Variants in SSBP2 observed in about 807,000 individuals in gnomAD.
SSBP2 encodes the protein single-stranded DNA-binding protein 2.
A neutral mutation model predicts 61.8 loss-of-function variants in SSBP2; 17 were observed. The ratio of observed to expected loss-of-function variants is 0.28; its 90% CI spans 0.19 to 0.41. The LOEUF (loss-of-function observed/expected upper bound fraction) is 0.41, where lower values mean the gene tolerates loss of function less well. Among genes scored for constraint, SSBP2 ranks in the 10% least tolerant of loss-of-function variants. SSBP2 has a pLI of 1.00. For missense variants in SSBP2, 310 were observed against 458.7 expected (o/e 0.68, Z 2.96); for synonymous variants, 139 against 141.3 (o/e 0.98, Z 0.12).
intron 1 of SSBP2, among the ~76,000 whole-genome samples, chr5:81,734,243 C>CA (rs1296916617): frequency 6.6e-6 from 1 of 151,936 alleles, no homozygotes; most frequent in Non-Finnish European, 1.5e-5. Context: ...TACATACTAA[C>CA]AAAAAAACCT....
At chr5:81,737,636 A>C (rs1054194371) in intron 1 of SSBP2, among the ~76,000 whole-genome samples, 1 of 151,896 alleles carries the variant, frequency 6.6e-6, no homozygotes, top group Non-Finnish European at 1.5e-5. Context: ...CAAAAAAAAA[A>C]AATTAGCCGG....
At chr5:81,635,547 T>C (rs1430631523) in intron 3 of SSBP2, among the ~76,000 whole-genome samples, 2 of 152,014 alleles carry the variant, frequency 1.3e-5, no homozygotes, top group East Asian at 1.9e-4. Context: ...AAGTCTAACA[T>C]TGACAACTTG....
intron 6 of SSBP2, among the ~76,000 whole-genome samples, chr5:81,488,175 T>C (rs1231286075): frequency 2.0e-5 from 3 of 150,718 alleles, no homozygotes; most frequent in African/African-American, 7.3e-5. Context: ...AATGCTGTAA[T>C]GAACATGGGA....
At chr5:81,529,146 T>C (rs1242895298) in intron 4 of SSBP2, among the ~76,000 whole-genome samples, 1 of 152,122 alleles carries the variant, frequency 6.6e-6, no homozygotes, top group East Asian at 1.9e-4. Flanking sequence ...GAAATTATTA[T>C]TTAACACTGT....
chr5:81,592,696 T>C (rs905343189), intron 4 of SSBP2, among the ~76,000 whole-genome samples: 3 of 152,190 alleles, frequency 2.0e-5, no homozygotes, highest in Admixed American at 6.5e-5. Context: ...TATACGCTGT[T>C]CTGCAGCCAC....
At chr5:81,744,611 G>GAA (rs562652038) in intron 1 of SSBP2, among the ~76,000 whole-genome samples, 15 of 145,032 alleles carry the variant, frequency 1.0e-4, no homozygotes, top group South Asian at 4.3e-4. Flanking sequence ...TTTAAAACTA[G>GAA]AAAAAAAAAA....
intron 4 of SSBP2, among the ~76,000 whole-genome samples, chr5:81,544,159 C>T (rs936942284): frequency 1.3e-5 from 2 of 152,146 alleles, no homozygotes; most frequent in African/African-American, 4.8e-5. Context: ...ACGACATTCT[C>T]CTGCCTCAGC....
chr5:81,435,463 C>T (rs1454757385), intron 15 of SSBP2, among the ~76,000 whole-genome samples: 1 of 152,128 alleles, frequency 6.6e-6, no homozygotes, highest in Non-Finnish European at 1.5e-5. Flanking sequence ...ACTGGATGGT[C>T]AGTTACTGCT....
intron 4 of SSBP2, among the ~76,000 whole-genome samples, chr5:81,527,822 G>A (rs1770069092): frequency 1.3e-5 from 2 of 150,690 alleles, no homozygotes; most frequent in East Asian, 2.0e-4. Context: ...GTTGGTAAGT[G>A]CAGCAAACCA....
At chr5:81,634,838 T>C (rs1748053459) in intron 3 of SSBP2, among the ~76,000 whole-genome samples, 1 of 152,242 alleles carries the variant, frequency 6.6e-6, no homozygotes, top group Non-Finnish European at 1.5e-5. Context: ...AACTCTTATA[T>C]CTACTTAATG....
intron 1 of SSBP2, among the ~76,000 whole-genome samples, chr5:81,691,975 C>T (rs1222284957): frequency 6.6e-6 from 1 of 152,196 alleles, no homozygotes; most frequent in Non-Finnish European, 1.5e-5. Flanking sequence ...ACTTTCACCA[C>T]TGTTATTCAA....
At chr5:81,585,736 C>T (rs1431042376) in intron 4 of SSBP2, among the ~76,000 whole-genome samples, 1 of 152,080 alleles carries the variant, frequency 6.6e-6, no homozygotes, top group Non-Finnish European at 1.5e-5. Flanking sequence ...AGTCATTATG[C>T]TGTACAATGG....
At chr5:81,566,640 A>G (rs1773445518) in intron 4 of SSBP2, among the ~76,000 whole-genome samples, 2 of 152,214 alleles carry the variant, frequency 1.3e-5, no homozygotes, top group Admixed American at 1.3e-4. Flanking sequence ...TGCTGAAAAG[A>G]TATCTAAAAT....
intron 4 of SSBP2, among the ~76,000 whole-genome samples, chr5:81,564,975 C>T (rs1402945560): frequency 1.3e-5 from 2 of 152,150 alleles, no homozygotes; most frequent in African/African-American, 4.8e-5. Flanking sequence ...AATACCATGG[C>T]CTTGCAAAGA....
At chr5:81,689,259 T>C (rs573600903) in intron 1 of SSBP2, among the ~76,000 whole-genome samples, 2 of 152,052 alleles carry the variant, frequency 1.3e-5, no homozygotes, top group East Asian at 1.9e-4. Context: ...CTAAGAGTTA[T>C]TGGCTGTAAA....
At chr5:81,445,136 TTTTA>T (rs1273663581) in intron 12 of SSBP2, among the ~76,000 whole-genome samples, 18 of 10,914 alleles carry the variant, frequency 1.6e-3, no homozygotes, top group African/African-American at 3.3e-3. Context: ...AAAAAAAAAA[TTTTA>T]TATATATATA....
chr5:81,422,143 G>C (rs1464491784), intron 16 of SSBP2, among the ~76,000 whole-genome samples: 1 of 152,132 alleles, frequency 6.6e-6, no homozygotes, highest in Non-Finnish European at 1.5e-5. Context: ...AAAGTCAAAG[G>C]GATTGGTCCC....
At chr5:81,427,217 A>C (rs1762008853) in intron 16 of SSBP2, among the ~76,000 whole-genome samples, 1 of 152,184 alleles carries the variant, frequency 6.6e-6, no homozygotes, top group African/African-American at 2.4e-5. Context: ...TTTGAAGCAA[A>C]CCACTCAAAG....
At chr5:81,461,358 A>C (rs1764525809) in intron 9 of SSBP2, among the ~76,000 whole-genome samples, 1 of 152,100 alleles carries the variant, frequency 6.6e-6, no homozygotes, top group Non-Finnish European at 1.5e-5. Context: ...TTATTGTTAT[A>C]AAGATGGTAA....
Sources: gnomAD v4.1 joint callset for allele counts (sites outside exome capture counted in the v4.1 genomes callset) on GRCh38, gnomAD v4.1.1 for gene constraint, MANE v1.5 for transcripts, NCBI Gene and HGNC (gene_info 2026-07-23, HGNC 2026-07-21) for gene names.